ELAVL4: variants seen among roughly 807,000 people sequenced by gnomAD.
ELAVL4 encodes the protein ELAV-like protein 4.
A neutral mutation model predicts 35.6 loss-of-function variants in ELAVL4; 1 was observed. That is an observed-to-expected ratio of 0.03 (90% CI 0.01 to 0.13). The LOEUF (loss-of-function observed/expected upper bound fraction) is 0.13. Among genes scored for constraint, ELAVL4 ranks in the 10% least tolerant of loss-of-function variants. ELAVL4 has a pLI of 1.00. For synonymous variants in ELAVL4, 156 were observed against 171.0 expected, an observed-to-expected ratio of 0.91 and a Z score of 0.69; for missense variants, 267 against 464.9, an observed-to-expected ratio of 0.57 and a Z score of 3.91.
intron 2 of ELAVL4, among the ~76,000 whole-genome samples, chr1:50,154,808 C>G (rs1033352829): frequency 6.7e-6 from 1 of 148,518 alleles, no homozygotes; most frequent in African/African-American, 2.5e-5. Flanking sequence ...CTCTTTCTGC[C>G]TTCTTGTTTT....
chr1:50,129,978 G>A (rs897276385), intron 1 of ELAVL4, among the ~76,000 whole-genome samples: 1 of 152,112 alleles, frequency 6.6e-6, no homozygotes, highest in Non-Finnish European at 1.5e-5. Flanking sequence ...TTTCAAATGA[G>A]TAAACTTAAA....
chr1:50,184,076 G>C (rs1222855682), intron 3 of ELAVL4, among the ~76,000 whole-genome samples: 1 of 152,178 alleles, frequency 6.6e-6, no homozygotes, highest in Non-Finnish European at 1.5e-5. Context: ...AGTTGTGCTA[G>C]CAGCCCTCTC....
chr1:50,082,254 C>T (rs1410482685), intron 1 of ELAVL4, among the ~76,000 whole-genome samples: 1 of 152,200 alleles, frequency 6.6e-6, no homozygotes, highest in Admixed American at 6.5e-5. Context: ...GGAATTGCCA[C>T]ACTGTCTTCC....
intron 6 of ELAVL4, among the ~76,000 whole-genome samples, chr1:50,199,328 C>T (rs1376421633): frequency 1.3e-5 from 2 of 152,222 alleles, no homozygotes; most frequent in Admixed American, 6.5e-5. Context: ...TTACACCATG[C>T]TCTTCCCTAG....
intron 1 of ELAVL4, among the ~76,000 whole-genome samples, chr1:50,079,413 C>T (rs1664911566): frequency 6.6e-6 from 1 of 152,152 alleles, no homozygotes; most frequent in Admixed American, 6.6e-5. Flanking sequence ...TTAATGAAGG[C>T]CTCAGCCCCT....
intron 1 of ELAVL4, among the ~76,000 whole-genome samples, chr1:50,061,832 A>G (rs1663995527): frequency 6.6e-6 from 1 of 152,166 alleles, no homozygotes; most frequent in South Asian, 2.1e-4. Flanking sequence ...GATTTGCCTC[A>G]TAGTCTGAGA....
intron 2 of ELAVL4, among the ~76,000 whole-genome samples, chr1:50,166,058 T>G (rs1269456300): frequency 1.3e-5 from 2 of 151,990 alleles, no homozygotes; most frequent in South Asian, 4.1e-4. Context: ...TGCTTTATAT[T>G]CTAAGGCAGC....
At chr1:50,142,125 G>T (rs1019369643) in intron 1 of ELAVL4, among the ~76,000 whole-genome samples, 1 of 152,218 alleles carries the variant, frequency 6.6e-6, no homozygotes, top group Non-Finnish European at 1.5e-5. Flanking sequence ...TTTTGCTGAA[G>T]AGGAAGCTGA....
At chr1:50,134,400 A>C (rs1421857560) in intron 1 of ELAVL4, among the ~76,000 whole-genome samples, 1 of 152,172 alleles carries the variant, frequency 6.6e-6, no homozygotes, top group East Asian at 1.9e-4. Context: ...TGGAAGATGA[A>C]GATAATGTAT....
At chr1:50,144,817 G>A (rs759179094) in intron 1 of ELAVL4, 140 bp from the exon 2 acceptor site, 180 of 1,272,306 alleles carry the variant, frequency 1.4e-4, no homozygotes, top group Non-Finnish European at 1.8e-4. Flanking sequence ...TTCTAAATTG[G>A]CTGTGTTCAC....
At chr1:50,167,304 T>G (rs1305081809) in intron 2 of ELAVL4, among the ~76,000 whole-genome samples, 1 of 152,192 alleles carries the variant, frequency 6.6e-6, no homozygotes, top group African/African-American at 2.4e-5. Flanking sequence ...CTGCACTTCT[T>G]TAGCAATAAA....
At chr1:50,133,875 A>G (rs1671450950) in intron 1 of ELAVL4, among the ~76,000 whole-genome samples, 2 of 152,082 alleles carry the variant, frequency 1.3e-5, no homozygotes, top group Admixed American at 1.3e-4. Flanking sequence ...ATTTTATTTC[A>G]CTTATTATCT....
chr1:50,182,781 T>G (rs973167183), intron 3 of ELAVL4, among the ~76,000 whole-genome samples: 6 of 152,316 alleles, frequency 3.9e-5, no homozygotes, highest in African/African-American at 1.4e-4. Flanking sequence ...GTAAATAATT[T>G]GGTATGTACA....
intron 1 of ELAVL4, among the ~76,000 whole-genome samples, chr1:50,067,962 G>T (rs747403170): frequency 2.0e-5 from 3 of 152,058 alleles, no homozygotes; most frequent in Admixed American, 6.5e-5. Flanking sequence ...GGTAACTGCC[G>T]CCATGATTCA....
intron 1 of ELAVL4, among the ~76,000 whole-genome samples, chr1:50,121,905 G>A (rs1460671737): frequency 6.6e-6 from 1 of 152,036 alleles, no homozygotes; most frequent in Non-Finnish European, 1.5e-5. Flanking sequence ...TAATAAAAGT[G>A]ACAATAATCA....
At chr1:50,164,720 G>A (rs1677431648) in intron 2 of ELAVL4, among the ~76,000 whole-genome samples, 1 of 152,150 alleles carries the variant, frequency 6.6e-6, no homozygotes, top group Non-Finnish European at 1.5e-5. Context: ...TATGGGATCG[G>A]GTTCCGCTTA....
chr1:50,091,952 G>A (rs982732292), intron 1 of ELAVL4, among the ~76,000 whole-genome samples: 6 of 151,966 alleles, frequency 3.9e-5, no homozygotes, highest in Non-Finnish European at 5.9e-5. Context: ...AAACTCTTTC[G>A]CCTAGACCAC....
At chr1:50,060,878 A>C (rs1010767866) in intron 1 of ELAVL4, among the ~76,000 whole-genome samples, 1 of 152,224 alleles carries the variant, frequency 6.6e-6, no homozygotes, top group African/African-American at 2.4e-5. Flanking sequence ...GTAGCACTCA[A>C]GCATGATTTA....
intron 1 of ELAVL4, among the ~76,000 whole-genome samples, chr1:50,088,111 CT>C (rs1665330334): frequency 6.6e-6 from 1 of 152,142 alleles, no homozygotes; most frequent in South Asian, 2.1e-4. Context: ...CTTCAGAGCA[CT>C]TGCTTTAATT....
Sources: allele counts gnomAD v4.1 joint callset (sites outside exome capture counted in the v4.1 genomes callset), GRCh38; gene constraint gnomAD v4.1.1; transcripts MANE v1.5; gene names NCBI Gene and HGNC (gene_info 2026-07-23, HGNC 2026-07-21).